Variants in PCDHGA12 observed in about 807,000 individuals in gnomAD.
PCDHGA12 encodes the protein protocadherin gamma subfamily A, 12.
PCDHGA12 carries 43 observed loss-of-function variants against 61.1 expected under a neutral mutation model. The observed-to-expected ratio is 0.70, with a 90% CI of 0.55 to 0.91. The LOEUF is 0.91. Among genes scored for constraint, PCDHGA12 ranks in the 40% least tolerant of loss-of-function variants. PCDHGA12 has a pLI of 0.00. For missense variants in PCDHGA12, 1,236 were observed against 1,227.7 expected, an observed-to-expected ratio of 1.01 and a Z score of -0.10; for synonymous variants, 520 against 542.9, an observed-to-expected ratio of 0.96 and a Z score of 0.59.
intron 1 of PCDHGA12, among the ~76,000 whole-genome samples, chr5:141,461,165 TG>T (rs2099010296): frequency 6.6e-6 from 1 of 152,146 alleles, no homozygotes; most frequent in South Asian, 2.1e-4. Flanking sequence ...ATAGTGGGAT[TG>T]CTGGATTGAA....
chr5:141,492,206 G>A (rs1180294159), intron 1 of PCDHGA12, among the ~76,000 whole-genome samples: 2 of 152,204 alleles, frequency 1.3e-5, no homozygotes, highest in Non-Finnish European at 2.9e-5. Context: ...TTAGGTGTGC[G>A]CGCGGGGCTC....
At position 141,477,592 on chromosome 5, in the gene PCDHGA12, T is replaced by G; in HGVS notation, c.2425-17215T>G. On this transcript the variant is annotated intron_variant, in intron 1 of 3. Coordinates refer to ENST00000252085, the MANE Select transcript of PCDHGA12 (RefSeq NM_003735.3). The surrounding 1 kb of genome is among the most constrained non-coding windows in gnomAD (Gnocchi z 4.9). ...CCGACGCCCCGCAGAATGCTCGGCT[T>G]TCTTTCTTTCTCTTGGAGCAAGGAG... The G allele has an allele frequency of 6.2e-7, 1 of 1,614,142 alleles. No homozygotes were observed. Among genetic ancestry groups the G allele is most frequent in the Non-Finnish European group, 8.5e-7 (1 of 1,180,014 alleles).
At chr5:141,507,797 C>T (rs933921827) in intron 3 of PCDHGA12, among the ~76,000 whole-genome samples, 3 of 152,240 alleles carry the variant, frequency 2.0e-5, no homozygotes, top group Non-Finnish European at 2.9e-5. Flanking sequence ...TCTAAGCCTG[C>T]GCCCTGGGGA....
rs373424450 is a variant in PCDHGA12, at chr5:141,450,829, AT to A, written c.2424+17659del. 1.1e-3 allele frequency among the ~76,000 whole-genome samples: 154 copies of A among 135,102 alleles called. 1 individual carries two copies. Among genetic ancestry groups the A allele is most frequent in the South Asian group, 8.9e-3 (38 of 4,254 alleles). 88.6% of individuals were successfully genotyped at this position (135,102 alleles called of 152,430 possible). ...TTATTTATTTAATATTATTATTATTATTTTTTTTTTTTTGAGATGGGGTCTT... is the reference window on the plus strand; with the variant it reads ...TTATTTATTTAATATTATTATTATTATTTTTTTTTTTTGAGATGGGGTCTT... On this transcript the variant is annotated intron_variant, in intron 1 of 3. Transcript: ENST00000252085.
chr5:141,476,184 T>C lies in PCDHGA12; in HGVS notation c.2425-18623T>C, dbSNP rs1038598087. ...AGGGTAGTGGGAGTTTTGCTTCTGC[T>C]TGGTGCCTTGAACAAGGCTTCCACG... On this transcript the variant is annotated intron_variant, in intron 1 of 3. Coordinates refer to ENST00000252085, the MANE Select transcript of PCDHGA12 (RefSeq NM_003735.3). The surrounding 1 kb of genome is among the most constrained non-coding windows in gnomAD (Gnocchi z 7.6). 1 of 1,613,708 alleles carries C rather than the reference T, an allele frequency of 6.2e-7. No homozygotes were observed. Among genetic ancestry groups the C allele is most frequent in the Non-Finnish European group, 8.5e-7 (1 of 1,179,992 alleles).
chr5:141,439,470 T>C (rs1357441747), intron 1 of PCDHGA12, among the ~76,000 whole-genome samples: 1 of 152,220 alleles, frequency 6.6e-6, no homozygotes, highest in African/African-American at 2.4e-5. Flanking sequence ...CTGCTGCCTT[T>C]CAGCTTGCAA....
intron 1 of PCDHGA12, among the ~76,000 whole-genome samples, chr5:141,460,124 A>AAT (rs2098982741): frequency 6.6e-6 from 1 of 152,052 alleles, no homozygotes; most frequent in African/African-American, 2.4e-5. Context: ...TTATATATGT[A>AAT]ATATATATAT....
At chr5:141,494,190 G>GAGAA (rs2099752701) in intron 1 of PCDHGA12, among the ~76,000 whole-genome samples, 1 of 152,186 alleles carries the variant, frequency 6.6e-6, no homozygotes, top group Non-Finnish European at 1.5e-5. Flanking sequence ...CCCGGGACTT[G>GAGAA]GATGCCCCGC....
chr5:141,444,494 A>G (rs892854259), intron 1 of PCDHGA12, among the ~76,000 whole-genome samples: 1 of 152,010 alleles, frequency 6.6e-6, no homozygotes, highest in Admixed American at 6.6e-5. Flanking sequence ...ATATTGTGTA[A>G]TACTTTGCTC....
chr5:141,475,921 A>T, intron 1 of PCDHGA12: 1 of 604,938 alleles, frequency 1.7e-6, no homozygotes, highest in Non-Finnish European at 2.8e-6. Flanking sequence ...AAGACGCTGG[A>T]GATCGGGCCC....
intron 1 of PCDHGA12, chr5:141,475,926 G>C: frequency 4.8e-6 from 3 of 619,440 alleles, no homozygotes; most frequent in East Asian, 2.9e-5. Context: ...GCTGGAGATC[G>C]GGCCCCTGCC....
At position 141,432,816 on chromosome 5, in the gene PCDHGA12, C is replaced by A. The variant is rs778545682; in HGVS notation, c.2057C>A (p.Thr686Asn). ...GSLESPANSE[T>N]SDLTLYLVVA... Reference sequence around the variant, plus strand: ...CTCGAGTCTCCAGCTAACTCTGAAACCTCAGACCTCACTCTGTACCTGGTG... The same window carrying A: ...CTCGAGTCTCCAGCTAACTCTGAAAACTCAGACCTCACTCTGTACCTGGTG... The change falls in exon 1 of 4, where the codon ACC becomes AAC. Residue 686 changes from threonine (T) to asparagine (N), a missense_variant. Physicochemically the swap from Thr to Asn is moderately conservative, Grantham distance 65. Transcript: ENST00000252085. The surrounding 1 kb of genome is among the most constrained non-coding windows in gnomAD (Gnocchi z 6.0). The A allele has an allele frequency of 7.6e-5, 122 of 1,614,044 alleles. No individual in the cohort carries two copies. The highest frequency in any genetic ancestry group is 3.3e-5 in the Admixed American group (2 of 60,012).
intron 1 of PCDHGA12, among the ~76,000 whole-genome samples, chr5:141,464,504 T>A (rs1264652523): frequency 6.6e-6 from 1 of 152,046 alleles, no homozygotes; most frequent in Non-Finnish European, 1.5e-5. Context: ...GATTGCTGCA[T>A]CATAAGGTAA....
Position 141,433,165 on chromosome 5 carries a change from C to T in PCDHGA12, c.2406C>T (p.Asp802=). 2.5e-6 allele frequency: 4 copies of T among 1,613,470 alleles called. No homozygotes were observed. The highest frequency in any genetic ancestry group is 2.5e-6 in the Non-Finnish European group (3 of 1,179,640). Residue 802 remains aspartate, a synonymous_variant, in exon 1 of 4, where the codon GAC becomes GAT. Coordinates refer to ENST00000252085, the MANE Select transcript of PCDHGA12 (RefSeq NM_003735.3). ...CAGGTGATTCGGTATTTTCTAAAGA[C>T]AGTCATGGGTTAATTGAGGTGAGTT... ...LLSGDSVFSK[D]SHGLIEQAPP...
rs2099687715 is a variant in PCDHGA12, at chr5:141,489,479, T to G, written c.2425-5328T>G. 1.2e-6 allele frequency: 2 copies of G among 1,614,090 alleles called. No individual in the cohort carries two copies. The highest frequency in any genetic ancestry group is 1.7e-6 in the Non-Finnish European group (2 of 1,180,010). ...GGGCGCTATTTTTCCCTGAGCTTGATGAGTGGTGCCCTGGCAGTGAATCAA... is the reference window on the plus strand; with the variant it reads ...GGGCGCTATTTTTCCCTGAGCTTGAGGAGTGGTGCCCTGGCAGTGAATCAA... On this transcript the variant is annotated intron_variant, in intron 1 of 3. Transcript: ENST00000252085. This position sits in a 1 kb window ranked among gnomAD's most constrained non-coding sequence, Gnocchi z 4.5.
rs2099749948 is a variant in PCDHGA12 at position 141,493,762 on chromosome 5, C to T, written c.2425-1045C>T. Among the ~76,000 whole-genome samples the T allele has an allele frequency of 1.3e-5, 2 of 152,130 alleles. No homozygotes were observed. Among genetic ancestry groups the T allele is most frequent in the South Asian group, 4.1e-4 (2 of 4,830 alleles). Reference sequence around the variant, plus strand: ...TGCCACCTGTGAGCCTTGAGTGAGCCACTGGCAGTTCCGGAGCTTCCTTCT... The same window carrying T: ...TGCCACCTGTGAGCCTTGAGTGAGCTACTGGCAGTTCCGGAGCTTCCTTCT... On this transcript the variant is annotated intron_variant, in intron 1 of 3. Transcript: ENST00000252085. The surrounding 1 kb of genome is among the most constrained non-coding windows in gnomAD (Gnocchi z 4.3).
chr5:141,490,419 G>C lies in PCDHGA12; in HGVS notation c.2425-4388G>C. The C allele has an allele frequency of 6.2e-7, 1 of 1,614,170 alleles. No homozygotes were observed. Among genetic ancestry groups the C allele is most frequent in the Non-Finnish European group, 8.5e-7 (1 of 1,180,020 alleles). ...TGAGCCTTGATATCTCTCCGGACCT[G>C]CCATTTCAGATTAAGCCTTCTGAGA... On this transcript the variant is annotated intron_variant, in intron 1 of 3. Transcript: ENST00000252085. The surrounding 1 kb of genome is among the most constrained non-coding windows in gnomAD (Gnocchi z 5.4).
intron 2 of PCDHGA12, among the ~76,000 whole-genome samples, chr5:141,495,587 C>T (rs1391263118): frequency 6.6e-6 from 1 of 152,238 alleles, no homozygotes. Context: ...TTCTCCATCT[C>T]TGTCTTAGCT....
At chr5:141,497,742 T>C (rs2099779149) in intron 2 of PCDHGA12, among the ~76,000 whole-genome samples, 1 of 152,128 alleles carries the variant, frequency 6.6e-6, no homozygotes, top group South Asian at 2.1e-4. Context: ...TTTCGCCACG[T>C]TGGCCAGGCT....
Sources: allele counts gnomAD v4.1 joint callset (sites outside exome capture counted in the v4.1 genomes callset), GRCh38; gene constraint gnomAD v4.1.1; non-coding constraint Gnocchi (gnomAD v3.1); transcripts MANE v1.5; gene names NCBI Gene and HGNC (gene_info 2026-07-23, HGNC 2026-07-21).